Variants in PRDM6 observed in about 807,000 individuals in gnomAD.
The protein encoded by PRDM6 is PR/SET domain 6, also known as putative histone-lysine N-methyltransferase PRDM6.
Under a neutral mutation model 60.8 loss-of-function variants are expected in PRDM6, and 25 were observed. The observed-to-expected ratio is 0.41, with a 90% CI of 0.30 to 0.57. The LOEUF is 0.57. Among genes scored for constraint, PRDM6 ranks in the 20% least tolerant of loss-of-function variants. PRDM6 has a pLI of 0.27. For synonymous variants in PRDM6, 407 were observed against 357.4 expected (o/e 1.14, Z -1.57); for missense variants, 839 against 821.3 (o/e 1.02, Z -0.26).
At chr5:123,111,066 A>C (rs1405068812) in intron 3 of PRDM6, among the ~76,000 whole-genome samples, 4 of 152,108 alleles carry the variant, frequency 2.6e-5, no homozygotes, top group Admixed American at 2.6e-4. Context: ...TAATAATAAT[A>C]TATATTATGT....
intron 3 of PRDM6, among the ~76,000 whole-genome samples, chr5:123,110,234 A>G (rs1764279282): frequency 6.7e-6 from 1 of 149,518 alleles, no homozygotes; most frequent in South Asian, 2.1e-4. Flanking sequence ...TAAAATTAAT[A>G]TTTTTCCTGA....
intron 3 of PRDM6, 80 bp from the exon 4 acceptor site, chr5:123,155,804 C>T: frequency 6.8e-7 from 1 of 1,481,322 alleles, no homozygotes; most frequent in Non-Finnish European, 9.0e-7. Context: ...GCAGCTGACA[C>T]ATAAAGACAC....
intron 3 of PRDM6, among the ~76,000 whole-genome samples, chr5:123,131,664 C>T (rs918085678): frequency 2.6e-5 from 4 of 152,036 alleles, no homozygotes; most frequent in Admixed American, 6.5e-5. Flanking sequence ...CATGATGCAT[C>T]GGAGTCATAA....
intron 3 of PRDM6, among the ~76,000 whole-genome samples, chr5:123,142,877 CAAAAA>C: frequency 3.7e-5 from 1 of 27,368 alleles, no homozygotes; most frequent in East Asian, 8.3e-4. Context: ...CAGTGAAGAC[CAAAAA>C]AAAAAAAAAA....
At chr5:123,131,860 A>G (rs1334373665) in intron 3 of PRDM6, among the ~76,000 whole-genome samples, 5 of 152,212 alleles carry the variant, frequency 3.3e-5, no homozygotes, top group Admixed American at 1.3e-4. Context: ...TTTTGTTTCT[A>G]GGACTACCTA....
chr5:123,092,303 C>T (rs1194614340), intron 2 of PRDM6, among the ~76,000 whole-genome samples: 3 of 152,214 alleles, frequency 2.0e-5, no homozygotes, highest in Non-Finnish European at 4.4e-5. Flanking sequence ...GTATGTCTTA[C>T]TGCTAAGTGA....
intron 3 of PRDM6, among the ~76,000 whole-genome samples, chr5:123,126,866 A>C (rs1279481629): frequency 6.6e-6 from 1 of 152,198 alleles, no homozygotes; most frequent in African/African-American, 2.4e-5. Context: ...CTATATAGTT[A>C]TTAATAAACC....
intron 4 of PRDM6, among the ~76,000 whole-genome samples, chr5:123,157,307 A>C (rs900357697): frequency 1.3e-5 from 2 of 152,276 alleles, no homozygotes; most frequent in African/African-American, 4.8e-5. Context: ...CCTTTATTAC[A>C]GCTGCATTTC....
chr5:123,092,625 C>T (rs992496433), intron 2 of PRDM6, among the ~76,000 whole-genome samples: 1 of 152,084 alleles, frequency 6.6e-6, no homozygotes, highest in African/African-American at 2.4e-5. Context: ...TTGTGTTAAT[C>T]TTCTGGTATC....
Position 123,155,873 on chromosome 5 carries a change from C to T in PRDM6, c.901-11C>T, listed in dbSNP as rs1277965871. The T allele has an allele frequency of 7.1e-6, 11 of 1,549,394 alleles. No homozygotes were observed. The highest frequency in any genetic ancestry group is 9.6e-6 in the Non-Finnish European group (11 of 1,146,312). On this transcript the variant is annotated splice_polypyrimidine_tract_variant and intron_variant, in intron 3 of 7. Transcript: ENST00000407847. The stretch of plus-strand genomic sequence containing the variant: ...CGTTCTAACTACTTGACCTTCTGAC[C>T]TCTTCTCCAGATATATGACCAGGAT...
intron 5 of PRDM6, among the ~76,000 whole-genome samples, chr5:123,166,951 T>C (rs1248762617): frequency 6.6e-6 from 1 of 152,224 alleles, no homozygotes; most frequent in Non-Finnish European, 1.5e-5. Context: ...TTGGTCATTT[T>C]AATAACCCAT....
chr5:123,170,008 C>T (rs1765849157), intron 5 of PRDM6, among the ~76,000 whole-genome samples: 1 of 152,156 alleles, frequency 6.6e-6, no homozygotes, highest in Non-Finnish European at 1.5e-5. Flanking sequence ...CCTTCCTGAA[C>T]ACTGGTTCTA....
Position 123,090,660 on chromosome 5 carries a change from C to T in PRDM6, c.592+54C>T, listed in dbSNP as rs985692579. 58 of 1,092,780 alleles carry T rather than the reference C, an allele frequency of 5.3e-5. 1 individual carries two copies. In the East Asian group the frequency reaches 4.4e-3, roughly 82 times the overall value. The allele number at this position is 1,092,780 out of a possible 1,614,324, so 67.7% of individuals were successfully genotyped here. On this transcript the variant is annotated intron_variant, in intron 2 of 7. Coordinates refer to ENST00000407847, the MANE Select transcript of PRDM6 (RefSeq NM_001136239.4). ...CCCGGGGCGCCGGCGCCGGCGCCGGCGGGCGCGGGTGCCTGTCAGGGAGGC... is the reference window on the plus strand; with the variant it reads ...CCCGGGGCGCCGGCGCCGGCGCCGGTGGGCGCGGGTGCCTGTCAGGGAGGC...
intron 5 of PRDM6, among the ~76,000 whole-genome samples, chr5:123,163,555 T>G (rs1316578561): frequency 6.6e-6 from 1 of 152,144 alleles, no homozygotes; most frequent in Non-Finnish European, 1.5e-5. Context: ...TTTTCTTTTT[T>G]AAAAAGTCGT....
chr5:123,118,411 A>C (rs1006755939), intron 3 of PRDM6, among the ~76,000 whole-genome samples: 6 of 152,190 alleles, frequency 3.9e-5, no homozygotes, highest in African/African-American at 1.4e-4. Flanking sequence ...TTTGAGATGC[A>C]AATAGGAAAC....
At chr5:123,131,278 C>A (rs1764828713) in intron 3 of PRDM6, among the ~76,000 whole-genome samples, 1 of 151,714 alleles carries the variant, frequency 6.6e-6, no homozygotes, top group African/African-American at 2.4e-5. Flanking sequence ...AATAGGGCAG[C>A]CATAGTTAAT....
chr5:123,156,091 G>A, intron 4 of PRDM6, 80 bp downstream of exon 4: 4 of 1,385,124 alleles, frequency 2.9e-6, no homozygotes, highest in Non-Finnish European at 2.9e-6. Context: ...GCCACTGGTG[G>A]GTAAAAAAAA....
intron 7 of PRDM6, among the ~76,000 whole-genome samples, chr5:123,181,371 G>T (rs2126891129): frequency 6.6e-6 from 1 of 152,342 alleles, no homozygotes; most frequent in South Asian, 2.1e-4. Context: ...TGGTGGAAAT[G>T]ATGTTTCAGA....
intron 7 of PRDM6, among the ~76,000 whole-genome samples, chr5:123,185,096 G>GT (rs1766254438): frequency 6.6e-6 from 1 of 152,100 alleles, no homozygotes; most frequent in Non-Finnish European, 1.5e-5. Flanking sequence ...AGAAAAATGT[G>GT]TTTTTCTCTT....
Sources: gnomAD v4.1 joint callset for allele counts (sites outside exome capture counted in the v4.1 genomes callset) on GRCh38, gnomAD v4.1.1 for gene constraint, MANE v1.5 for transcripts, NCBI Gene and HGNC (gene_info 2026-07-23, HGNC 2026-07-21) for gene names.